The following ADAMTS6 variants were observed in gnomAD, a reference collection of about 807,000 sequenced individuals.
ADAMTS6 encodes the protein ADAM metallopeptidase with thrombospondin type 1 motif 6, also known as A disintegrin and metalloproteinase with thrombospondin motifs 6.
Under a neutral mutation model 144.3 loss-of-function variants are expected in ADAMTS6, and 23 were observed. That is an observed-to-expected ratio of 0.16 (90% confidence interval 0.11 to 0.23). The LOEUF (loss-of-function observed/expected upper bound fraction) is 0.23. ADAMTS6 is among the 10% of genes least tolerant of loss of function. The probability of loss-of-function intolerance (pLI) is 1.00; values close to 1 mark genes in which losing one functional copy is unlikely to be tolerated. For missense variants in ADAMTS6, 999 were observed against 1,379.6 expected, an observed-to-expected ratio of 0.72 and a Z score of 4.37; for synonymous variants, 444 against 457.5, an observed-to-expected ratio of 0.97 and a Z score of 0.38.
intron 7 of ADAMTS6, among the ~76,000 whole-genome samples, chr5:65,428,465 T>C (rs1756739327): frequency 6.6e-6 from 1 of 152,276 alleles, no homozygotes; most frequent in Non-Finnish European, 1.5e-5. Context: ...ATATAATCAT[T>C]ATTCTTCTAC....
chr5:65,398,597 G>A (rs1021294059), intron 7 of ADAMTS6, among the ~76,000 whole-genome samples: 3 of 151,900 alleles, frequency 2.0e-5, no homozygotes, highest in Non-Finnish European at 4.4e-5. Context: ...ATGGCAGCAC[G>A]TGCCTGTAAT....
intron 7 of ADAMTS6, among the ~76,000 whole-genome samples, chr5:65,371,246 C>T (rs1375390383): frequency 6.6e-6 from 1 of 152,214 alleles, no homozygotes; most frequent in East Asian, 1.9e-4. Flanking sequence ...AGTTCCTCAC[C>T]AGCAACGGAA....
intron 9 of ADAMTS6, among the ~76,000 whole-genome samples, chr5:65,306,597 G>GT (rs1020366746): frequency 8.1e-4 from 123 of 152,304 alleles, no homozygotes; most frequent in African/African-American, 2.9e-3. Context: ...CATAAGTTGT[G>GT]TAACATTTCA....
At chr5:65,260,772 C>T (rs920170908) in intron 13 of ADAMTS6, 109 bp from the exon 14 acceptor site, 3 of 715,422 alleles carry the variant, frequency 4.2e-6, no homozygotes, top group African/African-American at 3.6e-5. Flanking sequence ...AAAAATATAT[C>T]ATTTGACATG....
At chr5:65,398,801 AAAGAAAGAAAGAAAGAAAGAAAGAAAG>A (rs1561501443) in intron 7 of ADAMTS6, among the ~76,000 whole-genome samples, 1 of 109,310 alleles carries the variant, frequency 9.1e-6, no homozygotes, top group African/African-American at 3.7e-5. Context: ...AGAAAGAAAG[AAAGAAAGAAAGAAAGAAAGAAAGAAAG>A]AAAGAAAGAA....
chr5:65,440,191 A>G (rs1227742585), intron 7 of ADAMTS6, among the ~76,000 whole-genome samples: 2 of 152,250 alleles, frequency 1.3e-5, no homozygotes, highest in Non-Finnish European at 2.9e-5. Context: ...CTCAAAAGTA[A>G]GACAGAAATA....
At chr5:65,249,838 T>A (rs1260643823) in intron 14 of ADAMTS6, among the ~76,000 whole-genome samples, 1 of 152,228 alleles carries the variant, frequency 6.6e-6, no homozygotes, top group Non-Finnish European at 1.5e-5. Flanking sequence ...TGTCTTCACT[T>A]ACCCTGCAAC....
chr5:65,181,777 G>A (rs952828505), intron 22 of ADAMTS6, among the ~76,000 whole-genome samples: 1 of 152,198 alleles, frequency 6.6e-6, no homozygotes, highest in Non-Finnish European at 1.5e-5. Context: ...CACATGCTAG[G>A]CAAAAACATA....
At chr5:65,464,611 T>C (rs768348851) in intron 3 of ADAMTS6, among the ~76,000 whole-genome samples, 1 of 152,204 alleles carries the variant, frequency 6.6e-6, no homozygotes, top group Non-Finnish European at 1.5e-5. Context: ...ATCCCATCCA[T>C]GGACCTAGTT....
At position 65,376,655 on chromosome 5, in the gene ADAMTS6, A is replaced by AC. The variant is rs1238069923; in HGVS notation, c.1074-42571dup. Among the ~76,000 whole-genome samples the AC allele has an allele frequency of 2.0e-5, 3 of 151,886 alleles. No individual in the cohort carries two copies. The East Asian group carries it at 5.8e-4, about 29-fold the overall frequency. The stretch of plus-strand genomic sequence containing the variant: ...AGACTATCCTGAGCAATGTGACAAA[A>AC]CCCCATCTCCACAAAAAATACAAAA... On this transcript the variant is annotated intron_variant, in intron 7 of 24. Coordinates refer to ENST00000381055, the MANE Select transcript of ADAMTS6 (RefSeq NM_197941.4).
intron 23 of ADAMTS6, among the ~76,000 whole-genome samples, chr5:65,171,087 G>A (rs528969116): frequency 4.7e-4 from 71 of 151,640 alleles, no homozygotes; most frequent in African/African-American, 1.6e-3. Flanking sequence ...TCAACCCACT[G>A]CAAGCTCTGC....
At chr5:65,405,942 G>A (rs926710007) in intron 7 of ADAMTS6, among the ~76,000 whole-genome samples, 1 of 152,044 alleles carries the variant, frequency 6.6e-6, no homozygotes, top group African/African-American at 2.4e-5. Context: ...ATTTGGCTCT[G>A]TGTTAGTCTG....
intron 20 of ADAMTS6, among the ~76,000 whole-genome samples, chr5:65,197,663 T>C (rs1385562513): frequency 6.6e-6 from 1 of 152,218 alleles, no homozygotes; most frequent in Admixed American, 6.5e-5. Context: ...CTTCCGTTTA[T>C]ATATTTATCT....
At chr5:65,167,261 G>A (rs1261894434) in intron 24 of ADAMTS6, among the ~76,000 whole-genome samples, 50 of 151,836 alleles carry the variant, frequency 3.3e-4, no homozygotes, top group South Asian at 1.0e-3. Flanking sequence ...ACACCTCTAC[G>A]CAAATAAACT....
chr5:65,223,347 A>T (rs1012715779), intron 18 of ADAMTS6, among the ~76,000 whole-genome samples: 7 of 152,334 alleles, frequency 4.6e-5, no homozygotes, highest in African/African-American at 1.7e-4. Context: ...ATGTGGTGAC[A>T]ATAAGATCTA....
chr5:65,379,754 T>C (rs768287950), intron 7 of ADAMTS6, among the ~76,000 whole-genome samples: 84 of 151,862 alleles, frequency 5.5e-4, no homozygotes, highest in Non-Finnish European at 1.1e-3. Flanking sequence ...CTTTCTCCTC[T>C]CACCCCTCCT....
At chr5:65,393,574 T>TA (rs2150151774) in intron 7 of ADAMTS6, among the ~76,000 whole-genome samples, 1 of 152,282 alleles carries the variant, frequency 6.6e-6, no homozygotes, top group East Asian at 1.9e-4. Context: ...ACTCAGCCTA[T>TA]AAAAAATCAG....
intron 9 of ADAMTS6, among the ~76,000 whole-genome samples, chr5:65,302,418 T>C (rs1480657976): frequency 6.7e-6 from 1 of 149,842 alleles, no homozygotes; most frequent in East Asian, 1.9e-4. Context: ...GCCCCATATA[T>C]GTGCATATAC....
chr5:65,400,039 G>T (rs1211007205), intron 7 of ADAMTS6, among the ~76,000 whole-genome samples: 3 of 151,946 alleles, frequency 2.0e-5, no homozygotes, highest in Non-Finnish European at 4.4e-5. Flanking sequence ...ATTCTAAGTT[G>T]GTGTTCTTTT....
Sources: allele counts gnomAD v4.1 joint callset (sites outside exome capture counted in the v4.1 genomes callset), GRCh38; gene constraint gnomAD v4.1.1; transcripts MANE v1.5; gene names NCBI Gene and HGNC (gene_info 2026-07-23, HGNC 2026-07-21).